ABCB6: variants seen among roughly 807,000 people sequenced by gnomAD.
ABCB6 encodes ATP binding cassette subfamily B member 6 (LAN blood group).
ABCB6 carries 87 observed loss-of-function variants against 99.4 expected under a neutral mutation model. The observed-to-expected ratio is 0.88, with a 90% CI of 0.74 to 1.05. ABCB6 has a LOEUF of 1.05. Among genes scored for constraint, ABCB6 ranks in the 50% least tolerant of loss-of-function variants. The probability of loss-of-function intolerance (pLI) is 0.00; values close to 1 mark genes in which losing one functional copy is unlikely to be tolerated. For synonymous variants in ABCB6, 482 were observed against 447.5 expected, an observed-to-expected ratio of 1.08 and a Z score of -0.97; for missense variants, 1,050 against 1,097.9, an observed-to-expected ratio of 0.96 and a Z score of 0.62.
chr2:219,214,787 T>C, intron 6 of ABCB6, 174 bp downstream of exon 6: 2 of 730,472 alleles, frequency 2.7e-6, no homozygotes, highest in South Asian at 3.8e-5. Flanking sequence ...CTCAGCTAGG[T>C]TAAGGTTTGA....
At position 219,213,640 on chromosome 2, in the gene ABCB6, G is replaced by A; in HGVS notation, c.1605C>T (p.Thr535=). ...GGGGCATGTACAGCTGGATAATGTA[G>A]GTGCCAAAGAGCACATAGTCCCCAA... ...LQVGDYVLFG[T]YIIQLYMPLN... Residue 535 remains threonine, a synonymous_variant, in exon 10 of 19, where the codon ACC becomes ACT. Transcript: ENST00000265316. 6.2e-7 allele frequency: 1 copy of A among 1,614,188 alleles called. No homozygotes were observed. The highest frequency in any genetic ancestry group is 8.5e-7 in the Non-Finnish European group (1 of 1,180,044).
Position 219,218,080 on chromosome 2 carries a change from A to C in ABCB6, c.549+45T>G, listed in dbSNP as rs753307779. The stretch of plus-strand genomic sequence containing the variant: ...GACTGGACATGCAGTGCTTTCTCCC[A>C]AGCCCGGCCAGCAGAGGCTTCCCCC... On this transcript the variant is annotated intron_variant, in intron 1 of 18. Coordinates refer to ENST00000265316, the MANE Select transcript of ABCB6 (RefSeq NM_005689.4). 5.1e-6 allele frequency: 8 copies of C among 1,554,688 alleles called. No homozygotes were observed. In the African/African-American group the frequency reaches 1.1e-4, roughly 21 times the overall value.
chr2:219,217,165 C>T (rs1950651837), intron 2 of ABCB6, among the ~76,000 whole-genome samples: 1 of 151,956 alleles, frequency 6.6e-6, no homozygotes. Flanking sequence ...TCAAGACTAG[C>T]CTGGCCAACA....
rs745736192 is a variant in ABCB6, at chr2:219,216,228, C to T, written c.971-48G>A. On this transcript the variant is annotated intron_variant, in intron 4 of 18. Transcript: ENST00000265316. The surrounding 1 kb of genome is among the most constrained non-coding windows in gnomAD (Gnocchi z 4.2). ...TCAGTAGGGCCTGGGAGCTGAGGGA[C>T]GTCAGCCCAGCACCAGGATGTGAAA... 6 of 1,566,104 alleles carry T rather than the reference C, an allele frequency of 3.8e-6. No homozygotes were observed. The highest frequency in any genetic ancestry group is 2.3e-5 in the South Asian group (2 of 85,546).
Position 219,210,059 on chromosome 2 carries a change from G to C in ABCB6, c.2421-13C>G. 6.2e-7 allele frequency: 1 copy of C among 1,612,414 alleles called. No homozygotes were observed. The highest frequency in any genetic ancestry group is 8.5e-7 in the Non-Finnish European group (1 of 1,178,542). On this transcript the variant is annotated splice_polypyrimidine_tract_variant and intron_variant, in intron 18 of 18. Transcript: ENST00000265316. ...CAGAGCCTCGTGTCTGGGGTGAGGA[G>C]AAAAGTGTGAGTCCTAACCATTAGT...
At chr2:219,211,621 C>CTTTTTTTTTTTTT (rs34408255) in intron 14 of ABCB6, among the ~76,000 whole-genome samples, 3 of 87,860 alleles carry the variant, frequency 3.4e-5, no homozygotes, top group Non-Finnish European at 4.7e-5. Flanking sequence ...ATCGTTGTAC[C>CTTTTTTTTTTTTT]TTTTTTTTTT....
rs757264353 is a variant in ABCB6 at position 219,211,014 on chromosome 2, C to T, written c.2063G>A (p.Arg688His). 33 of 1,614,042 alleles carry T rather than the reference C, an allele frequency of 2.0e-5. No homozygotes were observed. In the Middle Eastern group the frequency reaches 6.6e-4, roughly 32 times the overall value. Reference protein sequence around the residue: ...DTIADNIRYGRVTAGNDEVEA... With the variant: ...DTIADNIRYGHVTAGNDEVEA... The stretch of plus-strand genomic sequence containing the variant: ...CACCTCATCATTCCCAGCTGTGACA[C>T]GGCCGTAACGGATATTGTCGGCGAT... The change falls in exon 15 of 19, where the codon CGT becomes CAT. Residue 688 changes from arginine (R) to histidine (H), a missense_variant. Physicochemically the swap from Arg to His is conservative, Grantham distance 29. Coordinates refer to ENST00000265316, the MANE Select transcript of ABCB6 (RefSeq NM_005689.4).
chr2:219,211,682 C>T (rs906023022), intron 14 of ABCB6, among the ~76,000 whole-genome samples: 34 of 150,578 alleles, frequency 2.3e-4, no homozygotes, highest in African/African-American at 8.3e-4. Context: ...GCTCTGTCAC[C>T]CAGGCTGGAG....
rs759447077 is a variant in ABCB6 at position 219,212,454 on chromosome 2, C to T, written c.1901G>A (p.Arg634His). The T allele has an allele frequency of 1.9e-5, 30 of 1,614,016 alleles. No individual in the cohort carries two copies. The highest frequency in any genetic ancestry group is 5.3e-5 in the African/African-American group (4 of 74,910). Residue 634 changes from arginine to histidine, a missense_variant, in exon 14 of 19, where the codon CGC (arginine) becomes CAC (histidine). Coordinates refer to ENST00000265316, the MANE Select transcript of ABCB6 (RefSeq NM_005689.4). ...PSGAGKSTIL[R>H]LLFRFYDISS... ...GATGTCGTAGAAGCGAAACAGCAGG[C>T]GCAAAATTGTGCTCTTCCCTGCCCC... is the stretch of plus-strand genomic sequence containing the variant.
chr2:219,213,711 G>C (rs1240418907), intron 9 of ABCB6, 45 bp from the exon 10 acceptor site: 1 of 1,613,316 alleles, frequency 6.2e-7, no homozygotes, highest in Non-Finnish European at 8.5e-7. Context: ...GGGCCTGCAG[G>C]CCGCTCTTCT....
intron 2 of ABCB6, among the ~76,000 whole-genome samples, chr2:219,217,427 C>T (rs184716143): frequency 3.9e-5 from 6 of 152,110 alleles, no homozygotes; most frequent in African/African-American, 1.4e-4. Context: ...AGGCGGATCA[C>T]GAGGTCAAGA....
rs372123353 is a variant in ABCB6, at chr2:219,218,233, G to T, written c.441C>A (p.Ser147Arg). The change falls in exon 1 of 19, where the codon AGC becomes AGA. Residue 147 changes from serine (S) to arginine (R), a missense_variant. By Grantham distance (110) the Ser-to-Arg change is moderately radical. Coordinates refer to ENST00000265316, the MANE Select transcript of ABCB6 (RefSeq NM_005689.4). ...AMGIWIKFRH[S>R]PGLLLLWTVA... Reference sequence around the variant, plus strand: ...CAGTCCAGAGGAGCAGGAGACCAGGGCTGTGCCTGAACTTGATCCAGATGC... The same window carrying T: ...CAGTCCAGAGGAGCAGGAGACCAGGTCTGTGCCTGAACTTGATCCAGATGC... 6.2e-7 allele frequency: 1 copy of T among 1,613,780 alleles called. No individual in the cohort carries two copies. Among genetic ancestry groups the T allele is most frequent in the Non-Finnish European group, 8.5e-7 (1 of 1,180,046 alleles).
intron 11 of ABCB6, 43 bp from the exon 12 acceptor site, chr2:219,213,369 T>G: frequency 6.2e-7 from 1 of 1,613,838 alleles, no homozygotes; most frequent in Admixed American, 1.7e-5. Context: ...CTCAGCTTTG[T>G]GTTTTCCAAG....
chr2:219,215,402 T>C (rs1354513549), intron 5 of ABCB6: 1 of 302,506 alleles, frequency 3.3e-6, no homozygotes, highest in Non-Finnish European at 6.3e-6. Flanking sequence ...CAATGCCATA[T>C]TAGTTCTGTG....
In ABCB6 at chr2:219,218,852, C is replaced by A. The variant is rs1177923715; in HGVS notation, c.-179G>T. ...CAGGCCTCACCGCCCACTCCCCTAG[C>A]GCACGCGCCGCCGCCACGCACTCAC... is the stretch of plus-strand genomic sequence containing the variant. On this transcript the variant is annotated 5_prime_UTR_variant, in exon 1 of 19. Coordinates refer to ENST00000265316, the MANE Select transcript of ABCB6 (RefSeq NM_005689.4). 3 of 630,586 alleles carry A rather than the reference C, an allele frequency of 4.8e-6. No homozygotes were observed. The highest frequency in any genetic ancestry group is 1.9e-5 in the African/African-American group (1 of 51,342). The allele number at this position is 630,586 out of a possible 1,614,324, so 39.1% of individuals were successfully genotyped here.
rs1480713404 is a variant in ABCB6, at chr2:219,216,142, C to G, written c.1009G>C (p.Val337Leu). 3 of 1,601,712 alleles carry G rather than the reference C, an allele frequency of 1.9e-6. No individual in the cohort carries two copies. The African/African-American group carries it at 4.0e-5, about 21-fold the overall frequency. ...ACCCGCCGAGACGTGAACTGCTGCA[C>G]CCGGATCCACAGGAAGGTGCGCAGG... ...SNLRTFLWIR[V>L]QQFTSRRVEL... The change falls in exon 5 of 19, where the codon GTG becomes CTG. Residue 337 changes from valine to leucine, a missense_variant. By Grantham distance (32) the Val-to-Leu change is conservative. Transcript: ENST00000265316. The surrounding 1 kb of genome is among the most constrained non-coding windows in gnomAD (Gnocchi z 4.2).
At chr2:219,213,190 G>A (rs1168669783) in intron 12 of ABCB6, 51 bp downstream of exon 12, 11 of 1,608,392 alleles carry the variant, frequency 6.8e-6, no homozygotes, top group Admixed American at 3.3e-5. Context: ...GAAGCAGGAA[G>A]GCAGTGTGCA....
rs1262842973 is a variant in ABCB6 at position 219,213,224 on chromosome 2, C to A, written c.1805+17G>T. ...CAAATGAACGGAAAAGCAAAGGAAG[C>A]AAAAGGAAGGCCTCACCCATCGGCA... On this transcript the variant is annotated intron_variant, in intron 12 of 18. Coordinates refer to ENST00000265316, the MANE Select transcript of ABCB6 (RefSeq NM_005689.4). 15 of 1,613,826 alleles carry A rather than the reference C, an allele frequency of 9.3e-6. No homozygotes were observed. Among genetic ancestry groups the A allele is most frequent in the South Asian group, 2.2e-5 (2 of 91,086 alleles).
In ABCB6 at chr2:219,214,182, T is replaced by C. The variant is rs1276916501; in HGVS notation, c.1391A>G (p.Lys464Arg). ...TTCGTAACTCTCGGCGTTGTAATACTTCACCTGATGAATTCAAACCAAATT... is the reference window on the plus strand; with the variant it reads ...TTCGTAACTCTCGGCGTTGTAATACCTCACCTGATGAATTCAAACCAAATT... Reference protein sequence around the residue: ...VDSLLNFETVKYYNAESYEVE... With the variant: ...VDSLLNFETVRYYNAESYEVE... The change falls in exon 8 of 19, where the codon AAG becomes AGG. Residue 464 changes from lysine (K) to arginine (R), a missense_variant. Coordinates refer to ENST00000265316, the MANE Select transcript of ABCB6 (RefSeq NM_005689.4). 6.2e-7 allele frequency: 1 copy of C among 1,614,198 alleles called. No individual in the cohort carries two copies. Among genetic ancestry groups the C allele is most frequent in the Admixed American group, 1.7e-5 (1 of 60,030 alleles).
Sources: gnomAD v4.1 joint callset for allele counts (sites outside exome capture counted in the v4.1 genomes callset) on GRCh38, gnomAD v4.1.1 for gene constraint, Gnocchi (gnomAD v3.1) non-coding constraint, MANE v1.5 for transcripts, NCBI Gene and HGNC (gene_info 2026-07-23, HGNC 2026-07-21) for gene names.